SIDT1: variants seen among roughly 807,000 people sequenced by gnomAD.
SIDT1 encodes SID1 transmembrane family member 1.
SIDT1 carries 101 observed loss-of-function variants against 107.5 expected under a neutral mutation model. That is an observed-to-expected ratio of 0.94 (90% confidence interval 0.80 to 1.11). The LOEUF is 1.11. Ranked by LOEUF, SIDT1 falls within the 50% of genes least tolerant of loss-of-function variation. SIDT1 has a pLI of 0.00. For synonymous variants in SIDT1, 395 were observed against 398.2 expected, an observed-to-expected ratio of 0.99 and a Z score of 0.10; for missense variants, 1,076 against 1,058.2, an observed-to-expected ratio of 1.02 and a Z score of -0.23.
chr3:113,601,742 C>T, intron 11 of SIDT1, 83 bp downstream of exon 11: 1 of 930,794 alleles, frequency 1.1e-6, no homozygotes, highest in Non-Finnish European at 1.7e-6. Context: ...CCACTAATAA[C>T]TGGGAATGTG....
chr3:113,592,455 TAAC>T (rs1208625259), intron 9 of SIDT1, among the ~76,000 whole-genome samples: 3 of 152,218 alleles, frequency 2.0e-5, no homozygotes, highest in Non-Finnish European at 4.4e-5. Flanking sequence ...GGTAACTCTT[TAAC>T]TTTTTGAGAA....
chr3:113,538,940 A>G (rs764202920), intron 1 of SIDT1, among the ~76,000 whole-genome samples: 4 of 152,210 alleles, frequency 2.6e-5, no homozygotes, highest in Non-Finnish European at 4.4e-5. Context: ...TATGGTAGCC[A>G]CCATTGATCA....
At chr3:113,625,145 G>GT (rs1560149503) in intron 23 of SIDT1, among the ~76,000 whole-genome samples, 11 of 150,828 alleles carry the variant, frequency 7.3e-5, no homozygotes, top group African/African-American at 2.7e-4. Flanking sequence ...CTTTTTTTTG[G>GT]GGGGGCGGGG....
chr3:113,613,140 G>A (rs978498219), intron 19 of SIDT1, among the ~76,000 whole-genome samples: 2 of 152,242 alleles, frequency 1.3e-5, no homozygotes, highest in African/African-American at 2.4e-5. Context: ...TCACAAGTGT[G>A]CATGTGGCAC....
intron 1 of SIDT1, among the ~76,000 whole-genome samples, chr3:113,543,424 C>T (rs1016530251): frequency 2.6e-5 from 4 of 152,138 alleles, no homozygotes; most frequent in African/African-American, 7.2e-5. Context: ...TTGGGGTTCT[C>T]TGATCCTCAG....
At chr3:113,579,668 G>T (rs375214968) in intron 4 of SIDT1, among the ~76,000 whole-genome samples, 14 of 152,270 alleles carry the variant, frequency 9.2e-5, no homozygotes, top group Middle Eastern at 3.4e-3. Flanking sequence ...ATAGGGTTAG[G>T]AGAAAAGATG....
chr3:113,584,674 C>CT lies in SIDT1; in HGVS notation c.836-17dup, dbSNP rs773065265. The stretch of plus-strand genomic sequence containing the variant: ...ATTATCTGATTCAATGTGCTTTGTT[C>CT]TTTTTTTATTTTTTTTAAACCAGAA... On this transcript the variant is annotated intron_variant, in intron 7 of 24. Transcript: ENST00000264852. The CT allele has an allele frequency of 1.2e-3, 1,808 of 1,545,270 alleles. 4 individuals carry two copies. The highest frequency in any genetic ancestry group is 1.8e-3 in the South Asian group (150 of 84,802).
rs114610445 is a variant in SIDT1 at position 113,623,982 on chromosome 3, G to A, written c.2307+249G>A. ...TGGTCTTCATTGCATGTTGTATTAC[G>A]ACGCTGGTCCCAGTGGATGCTTAAC... On this transcript the variant is annotated intron_variant, in intron 23 of 24. Transcript: ENST00000264852. Among the ~76,000 whole-genome samples, 589 of 152,290 alleles carry A rather than the reference G, an allele frequency of 3.9e-3. 4 individuals are homozygous for A. The highest frequency in any genetic ancestry group is 0.014 in the African/African-American group (562 of 41,540).
chr3:113,615,719 G>C (rs1215738969), intron 19 of SIDT1, among the ~76,000 whole-genome samples: 2 of 152,150 alleles, frequency 1.3e-5, no homozygotes, highest in Non-Finnish European at 2.9e-5. Flanking sequence ...GAGAGAGCAT[G>C]TGTTTTAAAG....
At chr3:113,559,297 T>C (rs1445160262) in intron 1 of SIDT1, among the ~76,000 whole-genome samples, 1 of 152,224 alleles carries the variant, frequency 6.6e-6, no homozygotes, top group African/African-American at 2.4e-5. Flanking sequence ...CAACTAACAT[T>C]TTCATTAGCA....
rs778042364 is a variant in SIDT1, at chr3:113,576,986, A to G, written c.561+19A>G. ...ACCTCAGGTAAGTGAAGGGGTTCCA[A>G]GAGTTATCAACATCCTACCTGTTGG... On this transcript the variant is annotated intron_variant, in intron 4 of 24. Coordinates refer to ENST00000264852, the MANE Select transcript of SIDT1 (RefSeq NM_017699.3). The G allele has an allele frequency of 1.2e-6, 2 of 1,613,038 alleles. No individual in the cohort carries two copies. The highest frequency in any genetic ancestry group is 3.3e-5 in the Admixed American group (2 of 60,032).
chr3:113,628,542 G>A lies in SIDT1; in HGVS notation c.*834G>A, dbSNP rs527637664. ...GCTCTTTTAACAGCAGCAGGAACAA[G>A]AGAAATGACTAACCATACTAAAAGA... On this transcript the variant is annotated 3_prime_UTR_variant, in exon 25 of 25. Coordinates refer to ENST00000264852, the MANE Select transcript of SIDT1 (RefSeq NM_017699.3). 1 of 153,050 alleles carries A rather than the reference G, an allele frequency of 6.5e-6. No homozygotes were observed. Among genetic ancestry groups the A allele is most frequent in the South Asian group, 2.1e-4 (1 of 4,828 alleles). 9.5% of individuals were successfully genotyped at this position (153,050 alleles called of 1,614,324 possible). A position where few individuals can be genotyped will look rare whatever the true frequency, so the allele number is the denominator to read the frequency against.
chr3:113,627,876 A>G lies in SIDT1; in HGVS notation c.*168A>G. ...GGGGCTGCGGGAGATTTAAACCTGCAAGAAAGGAGGCAGAAGGGGAGCCAT... is the reference window on the plus strand; with the variant it reads ...GGGGCTGCGGGAGATTTAAACCTGCGAGAAAGGAGGCAGAAGGGGAGCCAT... On this transcript the variant is annotated 3_prime_UTR_variant, in exon 25 of 25. Transcript: ENST00000264852. The G allele has an allele frequency of 1.6e-6, 1 of 630,786 alleles. No individual in the cohort carries two copies. Among genetic ancestry groups the G allele is most frequent in the Admixed American group, 2.9e-5 (1 of 34,678 alleles). The allele number at this position is 630,786 out of a possible 1,614,324, so 39.1% of individuals were successfully genotyped here. A position where few individuals can be genotyped will look rare whatever the true frequency, so the allele number is the denominator to read the frequency against.
At chr3:113,545,347 C>T (rs1232493189) in intron 1 of SIDT1, among the ~76,000 whole-genome samples, 1 of 152,000 alleles carries the variant, frequency 6.6e-6, no homozygotes, top group East Asian at 1.9e-4. Context: ...TTTCTTCTCT[C>T]ATTTATTTAT....
At chr3:113,566,655 A>G in intron 2 of SIDT1, 114 bp downstream of exon 2, 3 of 1,214,712 alleles carry the variant, frequency 2.5e-6, no homozygotes, top group Non-Finnish European at 3.5e-6. Context: ...GAATGTCAAG[A>G]CATTCTGCAT....
intron 1 of SIDT1, among the ~76,000 whole-genome samples, chr3:113,538,618 T>A (rs1938457777): frequency 6.6e-6 from 1 of 152,248 alleles, no homozygotes; most frequent in African/African-American, 2.4e-5. Flanking sequence ...TGTTTCTCTT[T>A]ACCATTTTAA....
intron 1 of SIDT1, among the ~76,000 whole-genome samples, chr3:113,554,113 C>T (rs1039763984): frequency 6.6e-6 from 1 of 152,122 alleles, no homozygotes; most frequent in Non-Finnish European, 1.5e-5. Flanking sequence ...AAATGATTAG[C>T]TCTTGGAGTG....
At chr3:113,580,561 C>A in intron 4 of SIDT1, 47 bp from the exon 5 acceptor site, 1 of 1,196,966 alleles carries the variant, frequency 8.4e-7, no homozygotes, top group Non-Finnish European at 1.2e-6. Flanking sequence ...AGGAAACAAT[C>A]CCATTCATGT....
intron 10 of SIDT1, chr3:113,595,062 A>G (rs1421564923): frequency 1.3e-5 from 2 of 154,070 alleles, no homozygotes; most frequent in Non-Finnish European, 2.9e-5. Context: ...AGTCACTGCA[A>G]AGAACAGATT....
Sources: gnomAD v4.1 joint callset for allele counts (sites outside exome capture counted in the v4.1 genomes callset) on GRCh38, gnomAD v4.1.1 for gene constraint, MANE v1.5 for transcripts, NCBI Gene and HGNC (gene_info 2026-07-23, HGNC 2026-07-21) for gene names.